CDC23: variants seen among roughly 807,000 people sequenced by gnomAD.
CDC23 encodes cell division cycle 23.
A neutral mutation model predicts 81.7 loss-of-function variants in CDC23; 26 were observed. That is an observed-to-expected ratio of 0.32 (90% CI 0.23 to 0.44). The LOEUF is 0.44. Among genes scored for constraint, CDC23 ranks in the 20% least tolerant of loss-of-function variants. The probability of loss-of-function intolerance (pLI) is 1.00; values close to 1 mark genes in which losing one functional copy is unlikely to be tolerated. For synonymous variants in CDC23, 267 were observed against 270.8 expected (o/e 0.99, Z 0.14); for missense variants, 519 against 728.0 (o/e 0.71, Z 3.30).
rs534899497 is a variant in CDC23, at chr5:138,195,836, C to CAT, written c.1012+2361_1012+2362dup. On this transcript the variant is annotated intron_variant, in intron 9 of 15. Coordinates refer to ENST00000394886, the MANE Select transcript of CDC23 (RefSeq NM_004661.4). ...ACATATATATAATATATATTATATA[C>CAT]ATATATATATAAAATAAAATGCTGC... Among the ~76,000 whole-genome samples the CAT allele has an allele frequency of 1.1e-3, 139 of 126,924 alleles. 1 individual carries two copies. The highest frequency in any genetic ancestry group is 0.01 in the South Asian group (46 of 4,398). 83.3% of individuals were successfully genotyped at this position (126,924 alleles called of 152,430 possible). A position where few individuals can be genotyped will look rare whatever the true frequency, so the allele number is the denominator to read the frequency against.
In CDC23 at chr5:138,190,013, C is replaced by T. The variant is rs1310921677; in HGVS notation, c.1425-107G>A. ...AAAAAAACAATACATAGGTAAGTAT[C>T]AATTTTGACATAAATGACACTCTTG... On this transcript the variant is annotated intron_variant, in intron 13 of 15. Transcript: ENST00000394886. 4.9e-6 allele frequency: 4 copies of T among 824,500 alleles called. No homozygotes were observed. The African/African-American group carries it at 6.9e-5, about 14-fold the overall frequency. The allele number at this position is 824,500 out of a possible 1,614,324, so 51.1% of individuals were successfully genotyped here. A position where few individuals can be genotyped will look rare whatever the true frequency, so the allele number is the denominator to read the frequency against.
intron 13 of CDC23, chr5:138,190,111 GGAGA>G: frequency 1.7e-6 from 1 of 576,066 alleles, no homozygotes; most frequent in Non-Finnish European, 3.1e-6. Flanking sequence ...AATGATGGAA[GGAGA>G]GTCAGTAAAT....
chr5:138,206,759 T>A, intron 2 of CDC23, 75 bp from the exon 3 acceptor site: 2 of 1,390,632 alleles, frequency 1.4e-6, no homozygotes, highest in Non-Finnish European at 9.8e-7. Context: ...GTATATTCGT[T>A]AATTTCAAGA....
At chr5:138,211,207 T>G (rs564196299) in intron 2 of CDC23, among the ~76,000 whole-genome samples, 1 of 152,256 alleles carries the variant, frequency 6.6e-6, no homozygotes, top group South Asian at 2.1e-4. Flanking sequence ...AATCATGTCC[T>G]TTGCAGTAAC....
chr5:138,211,727 G>A (rs141404587), intron 2 of CDC23, among the ~76,000 whole-genome samples: 1 of 151,960 alleles, frequency 6.6e-6, no homozygotes, highest in African/African-American at 2.4e-5. Flanking sequence ...TTTGGATGAT[G>A]GGTTCAACTG....
chr5:138,211,117 T>G (rs971253638), intron 2 of CDC23, among the ~76,000 whole-genome samples: 5 of 152,222 alleles, frequency 3.3e-5, no homozygotes, highest in Admixed American at 6.5e-5. Context: ...GGAATCAATC[T>G]AGGTGCCCAT....
At chr5:138,193,697 G>A (rs960023137) in intron 9 of CDC23, among the ~76,000 whole-genome samples, 2 of 151,838 alleles carry the variant, frequency 1.3e-5, no homozygotes, top group African/African-American at 2.4e-5. Flanking sequence ...GGTGGATCAC[G>A]CCTGTAATCC....
intron 15 of CDC23, 67 bp downstream of exon 15, chr5:138,189,566 C>G: frequency 1.3e-6 from 2 of 1,525,438 alleles, no homozygotes; most frequent in Middle Eastern, 1.7e-4. Flanking sequence ...CCAAGGTAGG[C>G]TTTCCACTTA....
chr5:138,201,178 C>T lies in CDC23; in HGVS notation c.583G>A (p.Ala195Thr). ...CAATGCAAGGGCAAAACATGAGTAGCTTCCACAAACACATCAATGGCCTCT... is the reference window on the plus strand; with the variant it reads ...CAATGCAAGGGCAAAACATGAGTAGTTTCCACAAACACATCAATGGCCTCT... ...VKEAIDVFVEATHVLPLHWGA... is the reference protein window; with the variant it reads ...VKEAIDVFVETTHVLPLHWGA... Residue 195 changes from alanine to threonine, a missense_variant, in exon 6 of 16, where the codon GCT becomes ACT. This residue lies in a region of CDC23 where 180 missense variants were observed against 239.3 expected (regional missense o/e 0.75). Transcript: ENST00000394886. 6.2e-7 allele frequency: 1 copy of T among 1,614,182 alleles called. No homozygotes were observed. Among genetic ancestry groups the T allele is most frequent in the Non-Finnish European group, 8.5e-7 (1 of 1,180,032 alleles).
chr5:138,189,858 G>T lies in CDC23; in HGVS notation c.1473C>A (p.Ile491=), dbSNP rs1417279765. ...TESEQAAQCY[I]KYIQDIYSCG... ...AGGAATAGATATCTTGGATATATTT[G>T]ATGTAACACTGGGCAGCCTGTTCTG... The change falls in exon 14 of 16, where the codon ATC becomes ATA. Residue 491 remains isoleucine (I), a synonymous_variant. Coordinates refer to ENST00000394886, the MANE Select transcript of CDC23 (RefSeq NM_004661.4). The T allele has an allele frequency of 6.2e-7, 1 of 1,613,930 alleles. No homozygotes were observed. The highest frequency in any genetic ancestry group is 8.5e-7 in the Non-Finnish European group (1 of 1,179,968).
At chr5:138,190,448 A>C (rs540824051) in intron 13 of CDC23, among the ~76,000 whole-genome samples, 4 of 139,732 alleles carry the variant, frequency 2.9e-5, no homozygotes, top group African/African-American at 1.1e-4. Context: ...ACAGAATGAG[A>C]CTCTGACTCC....
intron 2 of CDC23, among the ~76,000 whole-genome samples, chr5:138,209,057 C>T (rs1334953562): frequency 6.6e-6 from 1 of 151,340 alleles, no homozygotes; most frequent in Non-Finnish European, 1.5e-5. Context: ...CAGGCATGGG[C>T]CACCATGCTC....
intron 11 of CDC23, 117 bp from the exon 12 acceptor site, chr5:138,192,054 C>G: frequency 1.0e-6 from 1 of 958,886 alleles, no homozygotes; most frequent in Non-Finnish European, 1.6e-6. Context: ...TAACCTGATG[C>G]TCCATATAAT....
At chr5:138,204,952 T>C (rs1755031957) in intron 3 of CDC23, among the ~76,000 whole-genome samples, 1 of 148,184 alleles carries the variant, frequency 6.7e-6, no homozygotes, top group African/African-American at 2.5e-5. Context: ...TCTTGCTCTG[T>C]TGCCCAGGCT....
At chr5:138,197,240 A>G (rs1471968759) in intron 9 of CDC23, among the ~76,000 whole-genome samples, 1 of 145,234 alleles carries the variant, frequency 6.9e-6, no homozygotes, top group African/African-American at 2.6e-5. Context: ...CGGGAGGCAG[A>G]GCTTTCAGTG....
At chr5:138,195,190 C>T (rs1425685187) in intron 9 of CDC23, among the ~76,000 whole-genome samples, 3 of 151,666 alleles carry the variant, frequency 2.0e-5, no homozygotes, top group Non-Finnish European at 4.4e-5. Context: ...CCCATTAAAC[C>T]TTGCATATGT....
chr5:138,213,127 G>A (rs1314359082), intron 1 of CDC23, 25 bp downstream of exon 1: 3 of 1,614,002 alleles, frequency 1.9e-6, no homozygotes, highest in Non-Finnish European at 2.5e-6. Flanking sequence ...TCCAAGCCCC[G>A]TCCCTTCCCA....
intron 13 of CDC23, among the ~76,000 whole-genome samples, chr5:138,191,037 T>A (rs1011389441): frequency 1.3e-5 from 2 of 152,236 alleles, no homozygotes; most frequent in Admixed American, 1.3e-4. Flanking sequence ...AAAAATGTTA[T>A]CCTTTCTTCA....
At chr5:138,200,511 T>C (rs1311952568) in intron 6 of CDC23, among the ~76,000 whole-genome samples, 1 of 151,954 alleles carries the variant, frequency 6.6e-6, no homozygotes, top group African/African-American at 2.4e-5. Context: ...ACTACAACAA[T>C]ATTCAGTCTA....
Sources: gnomAD v4.1 joint callset for allele counts (sites outside exome capture counted in the v4.1 genomes callset) on GRCh38, gnomAD v4.1.1 for gene constraint, gnomAD v4.1.1 regional missense constraint, MANE v1.5 for transcripts, NCBI Gene and HGNC (gene_info 2026-07-23, HGNC 2026-07-21) for gene names.